Variants in USP3 observed in about 807,000 individuals in gnomAD.
The protein encoded by USP3 is ubiquitin carboxyl-terminal hydrolase 3.
A neutral mutation model predicts 72.3 loss-of-function variants in USP3; 20 were observed. That is an observed-to-expected ratio of 0.28 (90% CI 0.19 to 0.40). USP3 has a LOEUF of 0.40. Among genes scored for constraint, USP3 ranks in the 10% least tolerant of loss-of-function variants. The probability of loss-of-function intolerance (pLI) is 1.00; values close to 1 mark genes in which losing one functional copy is unlikely to be tolerated. For synonymous variants in USP3, 222 were observed against 225.3 expected (o/e 0.99, Z 0.13); for missense variants, 479 against 633.9 (o/e 0.76, Z 2.62).
chr15:63,520,725 G>A (rs538621586), intron 1 of USP3, among the ~76,000 whole-genome samples: 26 of 151,710 alleles, frequency 1.7e-4, no homozygotes, highest in African/African-American at 5.6e-4. Context: ...CACCATGTCC[G>A]GCCAATTTTT....
chr15:63,573,799 C>T (rs1406231767), intron 9 of USP3, among the ~76,000 whole-genome samples: 2 of 152,174 alleles, frequency 1.3e-5, no homozygotes, highest in African/African-American at 2.4e-5. Context: ...GTGTTAGTTA[C>T]TCTTGGGGAA....
Position 63,570,421 on chromosome 15 carries a change from T to A in USP3, c.762-12T>A. 1 of 1,614,000 alleles carries A rather than the reference T, an allele frequency of 6.2e-7. No individual in the cohort carries two copies. Among genetic ancestry groups the A allele is most frequent in the Non-Finnish European group, 8.5e-7 (1 of 1,180,016 alleles). On this transcript the variant is annotated splice_polypyrimidine_tract_variant and intron_variant, in intron 8 of 14. Transcript: ENST00000380324. This position sits in a 1 kb window ranked among gnomAD's most constrained non-coding sequence, Gnocchi z 4.4. The stretch of plus-strand genomic sequence containing the variant: ...CCACCCGGCCTTATAAGTGACTGTT[T>A]GTTTGCTTTAGGGGCTATCAACAGC...
chr15:63,548,519 G>A (rs1243249718), intron 3 of USP3, among the ~76,000 whole-genome samples: 1 of 151,896 alleles, frequency 6.6e-6, no homozygotes, highest in African/African-American at 2.4e-5. Flanking sequence ...GTAGAGACAG[G>A]GTTTCACCAT....
At chr15:63,547,298 G>A (rs4073096) in intron 3 of USP3, among the ~76,000 whole-genome samples, 71,970 of 151,820 alleles carry the variant, frequency 0.47, 17,987 homozygotes, top group Non-Finnish European at 0.56. Context: ...AAAAACGAAA[G>A]TTACATTCTT....
At chr15:63,590,325 GC>G (rs1225059073) in intron 14 of USP3, among the ~76,000 whole-genome samples, 2 of 152,130 alleles carry the variant, frequency 1.3e-5, no homozygotes, top group Non-Finnish European at 2.9e-5. Flanking sequence ...AGGGAAGGGT[GC>G]CCTTCTTTGT....
At chr15:63,575,372 A>G (rs1402097612) in intron 11 of USP3, among the ~76,000 whole-genome samples, 3 of 152,026 alleles carry the variant, frequency 2.0e-5, no homozygotes, top group Non-Finnish European at 4.4e-5. Context: ...TAGAAATAAA[A>G]CTTTTGTTGG....
chr15:63,521,447 T>C (rs1446893423), intron 1 of USP3, among the ~76,000 whole-genome samples: 1 of 152,232 alleles, frequency 6.6e-6, no homozygotes, highest in African/African-American at 2.4e-5. Flanking sequence ...TACTTCAAGC[T>C]ATTTGTCTGC....
chr15:63,575,179 T>C (rs913935021), intron 11 of USP3, among the ~76,000 whole-genome samples: 1 of 128,132 alleles, frequency 7.8e-6, no homozygotes, highest in Non-Finnish European at 1.6e-5. Flanking sequence ...TTTTTTTTTT[T>C]ACAAAACAAA....
chr15:63,529,020 A>G lies in USP3; in HGVS notation c.92-3627A>G. On this transcript the variant is annotated intron_variant, in intron 1 of 14. Coordinates refer to ENST00000380324, the MANE Select transcript of USP3 (RefSeq NM_006537.4). The surrounding 1 kb of genome is among the most constrained non-coding windows in gnomAD (Gnocchi z 4.2). ...ATCCTCTGTATCTTTCTAGCCTTCA[A>G]ATGTTTATCTGGTGTGACTGTATTA... 5 of 1,288,898 alleles carry G rather than the reference A, an allele frequency of 3.9e-6. No individual in the cohort carries two copies. Among genetic ancestry groups the G allele is most frequent in the Non-Finnish European group, 5.1e-6 (5 of 988,602 alleles). The allele number at this position is 1,288,898 out of a possible 1,614,324, so 79.8% of individuals were successfully genotyped here.
intron 11 of USP3, chr15:63,587,721 G>A (rs1461101848): frequency 6.6e-6 from 1 of 152,228 alleles, no homozygotes; most frequent in Non-Finnish European, 1.5e-5. Flanking sequence ...CTGTTCCAAT[G>A]AAACTTTATT....
At position 63,576,780 on chromosome 15, in the gene USP3, T is replaced by C. The variant is rs186816206; in HGVS notation, c.1096+2377T>C. On this transcript the variant is annotated intron_variant, in intron 11 of 14. Coordinates refer to ENST00000380324, the MANE Select transcript of USP3 (RefSeq NM_006537.4). ...GGCTTGATTTTTATTTAAGAGCTTA[T>C]TGTCGGCTTTAAAAAGTCGATGACA... is the stretch of plus-strand genomic sequence containing the variant. Among the ~76,000 whole-genome samples the C allele has an allele frequency of 2.6e-5, 4 of 152,356 alleles. No individual in the cohort carries two copies. The East Asian group carries it at 7.7e-4, about 29-fold the overall frequency.
intron 11 of USP3, among the ~76,000 whole-genome samples, chr15:63,575,115 A>G (rs1377875285): frequency 6.7e-6 from 1 of 149,596 alleles, no homozygotes; most frequent in Non-Finnish European, 1.5e-5. Flanking sequence ...ACTAAAAGTA[A>G]TGCTCTTTTC....
chr15:63,585,596 C>CT, intron 11 of USP3, among the ~76,000 whole-genome samples: 1 of 152,148 alleles, frequency 6.6e-6, no homozygotes, highest in South Asian at 2.1e-4. Flanking sequence ...TTGACAGTAT[C>CT]TTTTACAGAG....
chr15:63,504,634 C>T lies in USP3; in HGVS notation c.-106C>T. 3 of 993,554 alleles carry T rather than the reference C, an allele frequency of 3.0e-6. No individual in the cohort carries two copies. The highest frequency in any genetic ancestry group is 1.9e-5 in the South Asian group (1 of 52,786). 61.5% of individuals were successfully genotyped at this position (993,554 alleles called of 1,614,324 possible). On this transcript the variant is annotated 5_prime_UTR_variant, in exon 1 of 15. Transcript: ENST00000380324. ...GGCTCGAGACGCAGCCGCCGTCGGCCGAGCGCCCGGCTAGAAGCGACACCA... is the reference window on the plus strand; with the variant it reads ...GGCTCGAGACGCAGCCGCCGTCGGCTGAGCGCCCGGCTAGAAGCGACACCA...
rs139875193 is a variant in USP3, at chr15:63,563,609, C to T, written c.761+601C>T. On this transcript the variant is annotated intron_variant, in intron 8 of 14. Coordinates refer to ENST00000380324, the MANE Select transcript of USP3 (RefSeq NM_006537.4). ...AGGAATCCTGCCTTTTCTCGTAGGT[C>T]TGTCATCCCTGTAGGGATTCGGGTG... Among the ~76,000 whole-genome samples, 14 of 152,300 alleles carry T rather than the reference C, an allele frequency of 9.2e-5. No individual in the cohort carries two copies. The East Asian group carries it at 2.7e-3, about 29-fold the overall frequency.
At chr15:63,543,603 G>T (rs1184865833) in intron 3 of USP3, among the ~76,000 whole-genome samples, 2 of 152,144 alleles carry the variant, frequency 1.3e-5, no homozygotes, top group Non-Finnish European at 2.9e-5. Context: ...TTCTATATCT[G>T]CTTAGTTATA....
Position 63,574,244 on chromosome 15 carries a change from A to G in USP3, c.1016-79A>G, listed in dbSNP as rs1446126478. On this transcript the variant is annotated intron_variant, in intron 10 of 14. Transcript: ENST00000380324. The surrounding 1 kb of genome is among the most constrained non-coding windows in gnomAD (Gnocchi z 4.6). ...AATAAGTGTAAAGAGAAATCTAGAA[A>G]TACATCAGTTTGTGAAATTATTTTG... The G allele has an allele frequency of 4.9e-6, 7 of 1,428,176 alleles. No homozygotes were observed. The highest frequency in any genetic ancestry group is 6.5e-6 in the Non-Finnish European group (7 of 1,069,036). The allele number at this position is 1,428,176 out of a possible 1,614,324, so 88.5% of individuals were successfully genotyped here. A position where few individuals can be genotyped will look rare whatever the true frequency, so the allele number is the denominator to read the frequency against.
At chr15:63,517,088 T>A (rs866103233) in intron 1 of USP3, among the ~76,000 whole-genome samples, 1 of 152,078 alleles carries the variant, frequency 6.6e-6, no homozygotes, top group Middle Eastern at 3.4e-3. Flanking sequence ...ATGTGCACAA[T>A]GTGCAGGTAA....
At chr15:63,585,054 A>G (rs1325074022) in intron 11 of USP3, among the ~76,000 whole-genome samples, 3 of 152,150 alleles carry the variant, frequency 2.0e-5, no homozygotes, top group African/African-American at 7.2e-5. Context: ...AAATCAGTTG[A>G]CTATATAGTA....
Sources: gnomAD v4.1 joint callset for allele counts (sites outside exome capture counted in the v4.1 genomes callset) on GRCh38, gnomAD v4.1.1 for gene constraint, Gnocchi (gnomAD v3.1) non-coding constraint, MANE v1.5 for transcripts, NCBI Gene and HGNC (gene_info 2026-07-23, HGNC 2026-07-21) for gene names.